SHISA9: variants seen among roughly 807,000 people sequenced by gnomAD.
SHISA9 encodes the protein protein shisa-9.
SHISA9 carries 13 observed loss-of-function variants against 38.0 expected under a neutral mutation model. The observed-to-expected ratio is 0.34, with a 90% CI of 0.22 to 0.54. The LOEUF is 0.54. Among genes scored for constraint, SHISA9 ranks in the 20% least tolerant of loss-of-function variants. SHISA9 has a pLI of 0.91. For synonymous variants in SHISA9, 275 were observed against 242.0 expected (o/e 1.14, Z -1.27); for missense variants, 538 against 575.8 (o/e 0.93, Z 0.67).
intron 2 of SHISA9, among the ~76,000 whole-genome samples, chr16:13,126,731 GA>G (rs2050260804): frequency 6.8e-6 from 1 of 147,000 alleles, no homozygotes; most frequent in African/African-American, 2.5e-5. Flanking sequence ...GAGAAGGAAA[GA>G]GAGAGTGACT....
the SHISA9 span, among the ~76,000 whole-genome samples, chr16:13,482,102 G>A: frequency 6.6e-6 from 1 of 152,176 alleles, no homozygotes; most frequent in African/African-American, 2.4e-5. Flanking sequence ...ATGCTAACCT[G>A]TAGAGACTGA....
the SHISA9 span, among the ~76,000 whole-genome samples, chr16:13,332,967 C>G: frequency 6.6e-6 from 1 of 152,160 alleles, no homozygotes; most frequent in East Asian, 1.9e-4. Flanking sequence ...TTTGATTCCT[C>G]TTTTGAACTC....
chr16:13,557,545 G>A, the SHISA9 span, among the ~76,000 whole-genome samples: 3 of 152,096 alleles, frequency 2.0e-5, no homozygotes, highest in Non-Finnish European at 2.9e-5. Context: ...TAATGTGTCC[G>A]GGAGACAACT....
intron 4 of SHISA9, among the ~76,000 whole-genome samples, 188 bp from the exon 5 acceptor site, chr16:13,234,842 A>G (rs2051365441): frequency 6.6e-6 from 1 of 151,640 alleles, no homozygotes; most frequent in South Asian, 2.1e-4. Flanking sequence ...TTGTTTGTGA[A>G]AAGGGCATGG....
chr16:13,056,457 A>G lies in SHISA9; in HGVS notation c.691+139642A>G, dbSNP rs545767483. On this transcript the variant is annotated intron_variant, in intron 2 of 4. Transcript: ENST00000558583. The stretch of plus-strand genomic sequence containing the variant: ...TGTTGATCCATCTCTTTATGTTGGA[A>G]TCACCTACAGACATCAGGTCAGACA... 1.2e-4 allele frequency among the ~76,000 whole-genome samples: 19 copies of G among 152,316 alleles called. No individual in the cohort carries two copies. In the South Asian group the frequency reaches 3.9e-3, roughly 32 times the overall value.
At chr16:13,139,394 TTTCC>T (rs71147783) in intron 2 of SHISA9, among the ~76,000 whole-genome samples, 1,163 of 94,970 alleles carry the variant, frequency 0.012, 14 homozygotes, top group Middle Eastern at 0.037. Context: ...CCCTTCCTTC[TTTCC>T]TTCCTTCCTT....
intron 2 of SHISA9, among the ~76,000 whole-genome samples, chr16:13,167,020 A>G (rs1000583469): frequency 6.6e-6 from 1 of 151,284 alleles, no homozygotes; most frequent in Non-Finnish European, 1.5e-5. Context: ...CCTTTAGGAG[A>G]ATTTTTTTTA....
chr16:13,052,207 G>C (rs78698521), intron 2 of SHISA9, among the ~76,000 whole-genome samples: 150 of 152,236 alleles, frequency 9.9e-4, no homozygotes, highest in African/African-American at 3.4e-3. Flanking sequence ...CAAGCAATGT[G>C]GTGTCAGACA....
chr16:13,067,802 T>C (rs2073452042), intron 2 of SHISA9, among the ~76,000 whole-genome samples: 1 of 152,336 alleles, frequency 6.6e-6, no homozygotes, highest in African/African-American at 2.4e-5. Context: ...AGCTTTGCAG[T>C]AGGCCTTTGC....
At chr16:13,536,754 A>G in the SHISA9 span, among the ~76,000 whole-genome samples, 1 of 152,242 alleles carries the variant, frequency 6.6e-6, no homozygotes, top group Non-Finnish European at 1.5e-5. Flanking sequence ...AGCTACAGAT[A>G]TAGATCAGGG....
chr16:13,054,739 G>C (rs117234952), intron 2 of SHISA9, among the ~76,000 whole-genome samples: 1 of 152,222 alleles, frequency 6.6e-6, no homozygotes, highest in East Asian at 1.9e-4. Context: ...TCTTTAACAC[G>C]GGCTGCTTCT....
chr16:13,444,762 A>C, the SHISA9 span, among the ~76,000 whole-genome samples: 1 of 144,156 alleles, frequency 6.9e-6, no homozygotes, highest in Non-Finnish European at 1.5e-5. Context: ...CCAGATCTGG[A>C]AAAAGATTTC....
the SHISA9 span, among the ~76,000 whole-genome samples, chr16:13,354,825 G>A: frequency 5.9e-5 from 9 of 152,142 alleles, no homozygotes; most frequent in African/African-American, 1.7e-4. Flanking sequence ...AGTTGGACAC[G>A]ATTGGCAGGG....
chr16:12,980,011 T>C (rs994170880), intron 2 of SHISA9, among the ~76,000 whole-genome samples: 1 of 152,226 alleles, frequency 6.6e-6, no homozygotes, highest in Non-Finnish European at 1.5e-5. Flanking sequence ...TTTAAGTTCC[T>C]GTATTTTTAC....
intron 2 of SHISA9, among the ~76,000 whole-genome samples, chr16:13,084,892 G>C (rs939930483): frequency 6.6e-6 from 1 of 152,226 alleles, no homozygotes; most frequent in East Asian, 1.9e-4. Flanking sequence ...GATTTCCAAG[G>C]GGGGAAGGTT....
chr16:13,008,675 C>T (rs4781381), intron 2 of SHISA9, among the ~76,000 whole-genome samples: 22,313 of 124,914 alleles, frequency 0.18, 3,053 homozygotes, highest in Middle Eastern at 0.28. Flanking sequence ...TCCTCCCTCC[C>T]TCCCTCTCTC....
the SHISA9 span, among the ~76,000 whole-genome samples, chr16:13,271,627 AAAAAC>A: frequency 3.9e-5 from 6 of 152,198 alleles, no homozygotes; most frequent in African/African-American, 1.4e-4. Context: ...AAAAGAAAAG[AAAAAC>A]AGACAGAGAG....
chr16:12,909,001 C>T (rs982768337), intron 1 of SHISA9: 1 of 1,001,404 alleles, frequency 1.0e-6, no homozygotes, highest in Non-Finnish European at 1.2e-6. Flanking sequence ...GATAAATGCA[C>T]CTCCTCCTCT....
the SHISA9 span, among the ~76,000 whole-genome samples, chr16:13,375,369 T>C: frequency 7.2e-5 from 11 of 152,288 alleles, no homozygotes; most frequent in East Asian, 1.4e-3. Flanking sequence ...GGAAGGGATC[T>C]GGTTTCAGCT....
Sources: allele counts gnomAD v4.1 joint callset (sites outside exome capture counted in the v4.1 genomes callset), GRCh38; gene constraint gnomAD v4.1.1; transcripts MANE v1.5; gene names NCBI Gene and HGNC (gene_info 2026-07-23, HGNC 2026-07-21).